Variants in PGAP1 observed in about 807,000 individuals in gnomAD.
The protein encoded by PGAP1 is GPI inositol-deacylase.
A neutral mutation model predicts 127.0 loss-of-function variants in PGAP1; 76 were observed. The observed-to-expected ratio is 0.60, with a 90% CI of 0.50 to 0.72. PGAP1 has a LOEUF of 0.72. Among genes scored for constraint, PGAP1 ranks in the 30% least tolerant of loss-of-function variants. PGAP1 has a pLI of 0.00. For synonymous variants in PGAP1, 362 were observed against 366.5 expected, an observed-to-expected ratio of 0.99 and a Z score of 0.14; for missense variants, 982 against 1,071.3, an observed-to-expected ratio of 0.92 and a Z score of 1.16.
intron 3 of PGAP1, 37 bp from the exon 4 acceptor site, chr2:196,913,090 T>C: frequency 6.4e-7 from 1 of 1,555,486 alleles, no homozygotes; most frequent in Non-Finnish European, 8.7e-7. Context: ...ATTGCGGCTT[T>C]GTATCATTTT....
chr2:196,852,682 C>A (rs62185639), intron 20 of PGAP1, among the ~76,000 whole-genome samples: 3,529 of 151,854 alleles, frequency 0.023, 48 homozygotes, highest in Non-Finnish European at 0.037. Context: ...TAGAAAGGAA[C>A]CAGTAAGTAA....
chr2:196,884,176 T>G (rs1056581638), intron 12 of PGAP1, among the ~76,000 whole-genome samples: 3 of 152,192 alleles, frequency 2.0e-5, no homozygotes, highest in Non-Finnish European at 4.4e-5. Flanking sequence ...CTTTATAGGC[T>G]GGATAGAACA....
rs1457100969 is a variant in PGAP1 at position 196,902,668 on chromosome 2, C to T, written c.724G>A (p.Gly242Arg). The change falls in exon 5 of 27, where the codon GGA becomes AGA. Residue 242 changes from glycine to arginine, a missense_variant. Coordinates refer to ENST00000354764, the MANE Select transcript of PGAP1 (RefSeq NM_024989.4). ...HINLTTLSVA[G>R]GFRDYQVRSG... ...CGAACTTGGTAATCCCGGAATCCTCCAGCTACAGAAAGTGTGGTTAAATTT... is the reference window on the plus strand; with the variant it reads ...CGAACTTGGTAATCCCGGAATCCTCTAGCTACAGAAAGTGTGGTTAAATTT... 1 of 1,612,864 alleles carries T rather than the reference C, an allele frequency of 6.2e-7. No homozygotes were observed. The highest frequency in any genetic ancestry group is 1.3e-5 in the African/African-American group (1 of 74,866).
chr2:196,884,476 T>C (rs1460507212), intron 12 of PGAP1, among the ~76,000 whole-genome samples: 2 of 152,160 alleles, frequency 1.3e-5, no homozygotes, highest in African/African-American at 4.8e-5. Flanking sequence ...GACAAAAAAA[T>C]TGCAACCATT....
At chr2:196,856,371 T>A (rs1700883692) in intron 20 of PGAP1, among the ~76,000 whole-genome samples, 1 of 152,046 alleles carries the variant, frequency 6.6e-6, no homozygotes, top group South Asian at 2.1e-4. Flanking sequence ...GAGAAAAAAA[T>A]TATGTTTCTA....
chr2:196,899,758 G>A (rs1258553271), intron 5 of PGAP1, among the ~76,000 whole-genome samples: 2 of 152,252 alleles, frequency 1.3e-5, no homozygotes, highest in Non-Finnish European at 2.9e-5. Flanking sequence ...CTGAGATCGG[G>A]CGTAGTGGCT....
rs528946746 is a variant in PGAP1 at position 196,920,243 on chromosome 2, T to C, written c.148-93A>G. ...AATTCTGAATTACGCAAATTTGAAA[T>C]AGTGCAATATAAAAATATTACTGAT... is the stretch of plus-strand genomic sequence containing the variant. On this transcript the variant is annotated intron_variant, in intron 1 of 26. Coordinates refer to ENST00000354764, the MANE Select transcript of PGAP1 (RefSeq NM_024989.4). 1,109 of 1,079,264 alleles carry C rather than the reference T, an allele frequency of 1.0e-3. 5 individuals carry two copies. Among genetic ancestry groups the C allele is most frequent in the South Asian group, 2.0e-3 (114 of 56,730 alleles). 66.9% of individuals were successfully genotyped at this position (1,079,264 alleles called of 1,614,324 possible). A position where few individuals can be genotyped will look rare whatever the true frequency, so the allele number is the denominator to read the frequency against.
At chr2:196,913,765 T>C (rs1702913088) in intron 3 of PGAP1, among the ~76,000 whole-genome samples, 1 of 152,228 alleles carries the variant, frequency 6.6e-6, no homozygotes, top group African/African-American at 2.4e-5. Context: ...CTGCTGTCCT[T>C]GGCATGGGCT....
At chr2:196,925,793 A>G (rs1703340138) in intron 1 of PGAP1, among the ~76,000 whole-genome samples, 1 of 152,196 alleles carries the variant, frequency 6.6e-6, no homozygotes, top group South Asian at 2.1e-4. Context: ...ACACACAGGC[A>G]AGCCCACACA....
At chr2:196,865,877 C>T (rs949874282) in intron 19 of PGAP1, among the ~76,000 whole-genome samples, 3 of 152,026 alleles carry the variant, frequency 2.0e-5, no homozygotes, top group South Asian at 4.1e-4. Context: ...TTCACAATTG[C>T]TACAAAGAGA....
rs1358712806 is a variant in PGAP1 at position 196,845,581 on chromosome 2, G to A, written c.2286+301C>T. Among the ~76,000 whole-genome samples, 6 of 145,802 alleles carry A rather than the reference G, an allele frequency of 4.1e-5. No homozygotes were observed. The East Asian group carries it at 9.8e-4, about 24-fold the overall frequency. On this transcript the variant is annotated intron_variant, in intron 23 of 26. Coordinates refer to ENST00000354764, the MANE Select transcript of PGAP1 (RefSeq NM_024989.4). Reference sequence around the variant, plus strand: ...AGGTGTGAATATAAACTGCCCTAGTGAAATGTTAAAAAAAAAAAAAAATTT... The same window carrying A: ...AGGTGTGAATATAAACTGCCCTAGTAAAATGTTAAAAAAAAAAAAAAATTT...
chr2:196,892,458 T>G (rs1702133314), intron 8 of PGAP1, 57 bp from the exon 9 acceptor site: 1 of 742,782 alleles, frequency 1.3e-6, no homozygotes, highest in Non-Finnish European at 2.3e-6. Flanking sequence ...CTACATAGTT[T>G]CTTTCTTCTT....
Position 196,904,465 on chromosome 2 carries a change from C to A in PGAP1, c.650-1723G>T, listed in dbSNP as rs543996081. On this transcript the variant is annotated intron_variant, in intron 4 of 26. Coordinates refer to ENST00000354764, the MANE Select transcript of PGAP1 (RefSeq NM_024989.4). ...AGAAAAGTCTAGAGGCAGCTGGGCG[C>A]AGTGGCTCCCTCCTGTAATCCCAGC... 8.5e-5 allele frequency among the ~76,000 whole-genome samples: 13 copies of A among 152,294 alleles called. No homozygotes were observed. The South Asian group carries it at 1.7e-3, about 19-fold the overall frequency.
chr2:196,913,974 T>A (rs899042456), intron 3 of PGAP1, among the ~76,000 whole-genome samples: 1 of 152,196 alleles, frequency 6.6e-6, no homozygotes, highest in Non-Finnish European at 1.5e-5. Context: ...GTAAAAACCA[T>A]GGGCACTGAG....
At chr2:196,926,405 G>T in intron 1 of PGAP1, 65 bp downstream of exon 1, 1 of 1,605,438 alleles carries the variant, frequency 6.2e-7, no homozygotes, top group Non-Finnish European at 8.5e-7. Flanking sequence ...CGAACCCACA[G>T]AAGGAAAAAG....
At chr2:196,856,930 T>G (rs1700903150) in intron 20 of PGAP1, among the ~76,000 whole-genome samples, 1 of 152,232 alleles carries the variant, frequency 6.6e-6, no homozygotes, top group Non-Finnish European at 1.5e-5. Flanking sequence ...ATTTGAGCTG[T>G]GTTTTGTAAT....
chr2:196,882,161 G>A (rs62185652), intron 12 of PGAP1, among the ~76,000 whole-genome samples: 1 of 152,086 alleles, frequency 6.6e-6, no homozygotes, highest in African/African-American at 2.4e-5. Flanking sequence ...AGAGTTGTAG[G>A]TGTGTGGCTT....
intron 5 of PGAP1, among the ~76,000 whole-genome samples, chr2:196,898,873 T>C (rs953694600): frequency 6.6e-5 from 10 of 151,076 alleles, no homozygotes; most frequent in Non-Finnish European, 1.5e-5. Context: ...TAATCACAAC[T>C]GCAAAACTAC....
chr2:196,882,977 T>C (rs981005522), intron 12 of PGAP1, among the ~76,000 whole-genome samples: 1 of 152,214 alleles, frequency 6.6e-6, no homozygotes. Flanking sequence ...CAGTATGATG[T>C]TGGCTGTGGG....
Sources: gnomAD v4.1 joint callset for allele counts (sites outside exome capture counted in the v4.1 genomes callset) on GRCh38, gnomAD v4.1.1 for gene constraint, MANE v1.5 for transcripts, NCBI Gene and HGNC (gene_info 2026-07-23, HGNC 2026-07-21) for gene names.